The following SMARCC1 variants were observed in gnomAD, a reference collection of about 807,000 sequenced individuals.
SMARCC1 encodes SWI/SNF complex subunit SMARCC1.
A neutral mutation model predicts 147.4 loss-of-function variants in SMARCC1; 43 were observed. The ratio of observed to expected loss-of-function variants is 0.29; its 90% CI spans 0.23 to 0.38. The LOEUF (loss-of-function observed/expected upper bound fraction) is 0.38, where lower values mean the gene tolerates loss of function less well. SMARCC1 is among the 10% of genes least tolerant of loss of function. The pLI, the probability that SMARCC1 is intolerant of heterozygous loss-of-function variation, is 1.00. For synonymous variants in SMARCC1, 495 were observed against 484.4 expected, an observed-to-expected ratio of 1.02 and a Z score of -0.29; for missense variants, 1,119 against 1,381.1, an observed-to-expected ratio of 0.81 and a Z score of 3.01.
intron 2 of SMARCC1, among the ~76,000 whole-genome samples, chr3:47,750,970 T>C (rs1376996389): frequency 6.6e-6 from 1 of 151,882 alleles, no homozygotes; most frequent in African/African-American, 2.4e-5. Context: ...CAATCTCAGC[T>C]GACTGCAACC....
Position 47,635,974 on chromosome 3 carries a change from C to T in SMARCC1, c.2491+48G>A, listed in dbSNP as rs762424072. 3 of 889,836 alleles carry T rather than the reference C, an allele frequency of 3.4e-6. No individual in the cohort carries two copies. The East Asian group carries it at 7.3e-5, about 22-fold the overall frequency. The allele number at this position is 889,836 out of a possible 1,614,324, so 55.1% of individuals were successfully genotyped here. On this transcript the variant is annotated intron_variant, in intron 23 of 27. Transcript: ENST00000254480. ...ATAAACCACCTTCATTTCTCCAGTG[C>T]CTTTTACAGTTTTACATAATAATAT... is the stretch of plus-strand genomic sequence containing the variant.
chr3:47,660,339 G>C (rs764261449), intron 21 of SMARCC1, among the ~76,000 whole-genome samples: 3 of 151,218 alleles, frequency 2.0e-5, no homozygotes, highest in Non-Finnish European at 4.4e-5. Context: ...CCAGCTACTC[G>C]GGAGGCTGAA....
chr3:47,663,671 G>C (rs1040766034), intron 19 of SMARCC1: 2 of 1,494,388 alleles, frequency 1.3e-6, no homozygotes, highest in South Asian at 2.3e-5. Flanking sequence ...GAAGCCCCCA[G>C]TCATTGAGGG....
At chr3:47,674,429 T>C (rs1379599610) in intron 18 of SMARCC1, among the ~76,000 whole-genome samples, 1 of 152,258 alleles carries the variant, frequency 6.6e-6, no homozygotes, top group Non-Finnish European at 1.5e-5. Context: ...TCCAGATAGA[T>C]AGTTTTTCTT....
At chr3:47,705,438 C>T (rs1193075092) in intron 10 of SMARCC1, among the ~76,000 whole-genome samples, 1 of 151,118 alleles carries the variant, frequency 6.6e-6, no homozygotes, top group African/African-American at 2.4e-5. Flanking sequence ...GGCTCAAAAA[C>T]TAAGTTTTTA....
intron 21 of SMARCC1, among the ~76,000 whole-genome samples, chr3:47,652,231 A>G (rs937118309): frequency 2.0e-5 from 3 of 152,068 alleles, no homozygotes; most frequent in Non-Finnish European, 4.4e-5. Flanking sequence ...CTGCCTGCCA[A>G]AATGTTGGGA....
chr3:47,667,859 G>C (rs1452279583), intron 19 of SMARCC1, among the ~76,000 whole-genome samples: 2 of 152,064 alleles, frequency 1.3e-5, no homozygotes, highest in East Asian at 3.8e-4. Flanking sequence ...CCTGGTGACA[G>C]AGTGAGATTC....
At chr3:47,767,597 C>A (rs1475346318) in intron 2 of SMARCC1, among the ~76,000 whole-genome samples, 2 of 137,414 alleles carry the variant, frequency 1.5e-5, no homozygotes, top group Non-Finnish European at 3.1e-5. Context: ...CGGCCGGGTG[C>A]GGTGGCTCAC....
chr3:47,696,360 C>A (rs559786703), intron 11 of SMARCC1, among the ~76,000 whole-genome samples: 2 of 151,846 alleles, frequency 1.3e-5, no homozygotes, highest in African/African-American at 4.8e-5. Context: ...GGCAACAGAG[C>A]GAGACTCTGT....
chr3:47,769,252 C>CACGCCTGT (rs2034878428), intron 2 of SMARCC1, among the ~76,000 whole-genome samples: 2 of 149,748 alleles, frequency 1.3e-5, no homozygotes, highest in African/African-American at 4.9e-5. Flanking sequence ...CACAGTGGCT[C>CACGCCTGT]ACGCCTGTAA....
chr3:47,602,779 C>G (rs903553979), intron 26 of SMARCC1, among the ~76,000 whole-genome samples: 1 of 152,208 alleles, frequency 6.6e-6, no homozygotes, highest in Non-Finnish European at 1.5e-5. Context: ...AGAGTACACA[C>G]GAAGGCTTCC....
chr3:47,681,115 T>C, intron 14 of SMARCC1, among the ~76,000 whole-genome samples: 1 of 152,116 alleles, frequency 6.6e-6, no homozygotes, highest in East Asian at 1.9e-4. Context: ...CATAACTAGA[T>C]AAGAAGCCAT....
In SMARCC1 at chr3:47,701,379, C is replaced by T. The variant is rs1410710929; in HGVS notation, c.1064G>A (p.Arg355His). The T allele has an allele frequency of 5.6e-6, 9 of 1,613,652 alleles. No individual in the cohort carries two copies. Among genetic ancestry groups the T allele is most frequent in the African/African-American group, 1.3e-5 (1 of 75,028 alleles). ...CTCATCTTCCTCTTTCTGACTTCTG[C>T]GCTTCCCATAAAGGCTAGCTTGGCT... Reference protein sequence around the residue: ...KKGQASLYGKRRSQKEEDEQE... With the variant: ...KKGQASLYGKHRSQKEEDEQE... Residue 355 changes from arginine (R) to histidine (H), a missense_variant, in exon 11 of 28, where the codon CGC (arginine) becomes CAC (histidine). Around this residue, in one of 6 missense-constraint regions of SMARCC1, gnomAD observed 542 missense variants for 611.8 expected, o/e 0.89. Coordinates refer to ENST00000254480, the MANE Select transcript of SMARCC1 (RefSeq NM_003074.4).
chr3:47,653,346 C>G (rs2033218751), intron 21 of SMARCC1, among the ~76,000 whole-genome samples: 1 of 152,150 alleles, frequency 6.6e-6, no homozygotes, highest in South Asian at 2.1e-4. Context: ...GACAGGAACC[C>G]AAAACAAGTA....
At chr3:47,663,244 AAGGAAGGAAGGAAGG>A in intron 19 of SMARCC1, among the ~76,000 whole-genome samples, 1 of 142,244 alleles carries the variant, frequency 7.0e-6, no homozygotes, top group African/African-American at 2.6e-5. Flanking sequence ...GGAAGGAAGG[AAGGAAGGAAGGAAGG>A]AAGGAAGGGC....
At chr3:47,744,395 T>G (rs2034543109) in intron 3 of SMARCC1, among the ~76,000 whole-genome samples, 2 of 152,124 alleles carry the variant, frequency 1.3e-5, no homozygotes, top group African/African-American at 2.4e-5. Context: ...TCCAAATCAA[T>G]ATCTATTAAA....
intron 21 of SMARCC1, among the ~76,000 whole-genome samples, chr3:47,660,842 T>G (rs555404885): frequency 6.6e-6 from 1 of 152,300 alleles, no homozygotes. Context: ...TAGCAGAAGC[T>G]ACTAGGTTAT....
chr3:47,616,693 G>A (rs528809462), intron 25 of SMARCC1, among the ~76,000 whole-genome samples: 5 of 152,108 alleles, frequency 3.3e-5, no homozygotes, highest in Admixed American at 6.5e-5. Flanking sequence ...TGATCCTCCC[G>A]CCTTGGCCTC....
At chr3:47,676,136 C>A (rs2291903) in intron 17 of SMARCC1, among the ~76,000 whole-genome samples, 10,127 of 152,108 alleles carry the variant, frequency 0.067, 559 homozygotes, top group South Asian at 0.16. Context: ...CACAATGGGA[C>A]AAAATTTATA....
Sources: gnomAD v4.1 joint callset for allele counts (sites outside exome capture counted in the v4.1 genomes callset) on GRCh38, gnomAD v4.1.1 for gene constraint, gnomAD v4.1.1 regional missense constraint, MANE v1.5 for transcripts, NCBI Gene and HGNC (gene_info 2026-07-23, HGNC 2026-07-21) for gene names.